The following AREL1 variants were observed in gnomAD, a reference collection of about 807,000 sequenced individuals.
The protein encoded by AREL1 is apoptosis-resistant E3 ubiquitin protein ligase 1.
AREL1 carries 62 observed loss-of-function variants against 99.0 expected under a neutral mutation model. The ratio of observed to expected loss-of-function variants is 0.63; its 90% CI spans 0.51 to 0.77. The LOEUF is 0.77. Among genes scored for constraint, AREL1 ranks in the 30% least tolerant of loss-of-function variants. AREL1 has a pLI of 0.00. For missense variants in AREL1, 879 were observed against 1,027.6 expected (o/e 0.86, Z 1.98); for synonymous variants, 380 against 376.5 (o/e 1.01, Z -0.11).
intron 1 of AREL1, among the ~76,000 whole-genome samples, chr14:74,694,049 C>T (rs1397657011): frequency 1.3e-5 from 2 of 152,076 alleles, no homozygotes; most frequent in Non-Finnish European, 2.9e-5. Flanking sequence ...TGGCGGCAGG[C>T]GCCTGTGGTC....
At chr14:74,707,459 G>A (rs531918675) in intron 1 of AREL1, among the ~76,000 whole-genome samples, 46 of 151,472 alleles carry the variant, frequency 3.0e-4, no homozygotes, top group Non-Finnish European at 4.7e-4. Context: ...TCAGGAGATC[G>A]AGACCACCCT....
intron 1 of AREL1, among the ~76,000 whole-genome samples, chr14:74,708,886 G>A (rs541760573): frequency 6.6e-6 from 1 of 152,222 alleles, no homozygotes; most frequent in South Asian, 2.1e-4. Context: ...CTATCTTGTA[G>A]AACAGTCTTC....
intron 1 of AREL1, among the ~76,000 whole-genome samples, chr14:74,711,458 G>A (rs1594775684): frequency 6.6e-6 from 1 of 151,866 alleles, no homozygotes; most frequent in South Asian, 2.1e-4. Context: ...CAGGAGAATT[G>A]CTTGAACCTG....
At position 74,662,742 on chromosome 14, in the gene AREL1, A is replaced by C. The variant is rs751120056; in HGVS notation, c.*978T>G. On this transcript the variant is annotated 3_prime_UTR_variant, in exon 20 of 20. Coordinates refer to ENST00000356357, the MANE Select transcript of AREL1 (RefSeq NM_001039479.2). ...TGTCTTAGTGCTGCCAGAGAACACC[A>C]AGCAGAGAGAGAATCAGGGATTGCT... is the stretch of plus-strand genomic sequence containing the variant. 60 of 397,192 alleles carry C rather than the reference A, an allele frequency of 1.5e-4. No homozygotes were observed. The highest frequency in any genetic ancestry group is 2.4e-4 in the Non-Finnish European group (55 of 225,430). The allele number at this position is 397,192 out of a possible 1,614,324, so 24.6% of individuals were successfully genotyped here.
Position 74,666,730 on chromosome 14 carries a change from T to G in AREL1, c.2103+589A>C, listed in dbSNP as rs2089218329. On this transcript the variant is annotated intron_variant, in intron 17 of 19. Transcript: ENST00000356357. ...TTACTACTCATTGATTTTTTTTTTT[T>G]TTTTTTTGAGACAGAGTCTTACTCT... Among the ~76,000 whole-genome samples, 3 of 151,526 alleles carry G rather than the reference T, an allele frequency of 2.0e-5. 1 individual carries two copies. Among genetic ancestry groups the G allele is most frequent in the Admixed American group, 2.0e-4 (3 of 15,252 alleles).
chr14:74,684,532 C>T lies in AREL1; in HGVS notation c.165G>A (p.Leu55=). 1 of 1,614,122 alleles carries T rather than the reference C, an allele frequency of 6.2e-7. No homozygotes were observed. Among genetic ancestry groups the T allele is most frequent in the Non-Finnish European group, 8.5e-7 (1 of 1,180,014 alleles). The change falls in exon 4 of 20, where the codon CTG becomes CTA. Residue 55 remains leucine (L), a synonymous_variant. Coordinates refer to ENST00000356357, the MANE Select transcript of AREL1 (RefSeq NM_001039479.2). The part of the protein sequence containing the change: ...TIYDYVRGNY[L]DPRSCKVSWD... ...AGGAGACTTTGCAAGACCGGGGATC[C>T]AGGTAATTTCCCCGCACGTAGTCAT... is the stretch of plus-strand genomic sequence containing the variant.
At chr14:74,710,947 T>G (rs983140256) in intron 1 of AREL1, among the ~76,000 whole-genome samples, 29 of 152,206 alleles carry the variant, frequency 1.9e-4, no homozygotes, top group African/African-American at 6.3e-4. Context: ...AAAATTGGGC[T>G]GGTGCCAGGC....
intron 2 of AREL1, among the ~76,000 whole-genome samples, chr14:74,691,785 G>A (rs1000895784): frequency 9.2e-5 from 14 of 152,018 alleles, no homozygotes; most frequent in East Asian, 7.7e-4. Context: ...CTGCTTTTTC[G>A]GAGTATAAAG....
intron 2 of AREL1, among the ~76,000 whole-genome samples, chr14:74,687,000 A>G (rs1329864619): frequency 6.6e-6 from 1 of 152,158 alleles, no homozygotes; most frequent in Non-Finnish European, 1.5e-5. Flanking sequence ...AACAGCTATC[A>G]TCTCAAAAAT....
At chr14:74,691,641 C>T (rs1323674585) in intron 2 of AREL1, among the ~76,000 whole-genome samples, 3 of 152,108 alleles carry the variant, frequency 2.0e-5, no homozygotes, top group Non-Finnish European at 2.9e-5. Context: ...CACTTGCTTA[C>T]GAAGGATCCT....
intron 6 of AREL1, 85 bp downstream of exon 6, chr14:74,676,498 G>T (rs767130283): frequency 3.4e-6 from 5 of 1,483,414 alleles, no homozygotes; most frequent in Non-Finnish European, 4.6e-6. Flanking sequence ...GAAGGAAAGA[G>T]AGATCGAAGT....
chr14:74,677,085 C>T (rs966955646), intron 5 of AREL1, among the ~76,000 whole-genome samples: 13 of 152,008 alleles, frequency 8.6e-5, no homozygotes, highest in Admixed American at 1.3e-4. Flanking sequence ...AGGCGTGAGC[C>T]ACCACGCCCG....
rs901931562 is a variant in AREL1 at position 74,663,625 on chromosome 14, T to C, written c.*95A>G. 2 of 1,245,512 alleles carry C rather than the reference T, an allele frequency of 1.6e-6. No individual in the cohort carries two copies. Among genetic ancestry groups the C allele is most frequent in the Admixed American group, 1.7e-5 (1 of 59,306 alleles). The allele number at this position is 1,245,512 out of a possible 1,614,324, so 77.2% of individuals were successfully genotyped here. A position where few individuals can be genotyped will look rare whatever the true frequency, so the allele number is the denominator to read the frequency against. ...GGAGCATGCGGCATCTTCTGGCTGA[T>C]GGTTATGTGTGTTAGGATCAGTGGT... is the stretch of plus-strand genomic sequence containing the variant. On this transcript the variant is annotated 3_prime_UTR_variant, in exon 20 of 20. Coordinates refer to ENST00000356357, the MANE Select transcript of AREL1 (RefSeq NM_001039479.2).
At chr14:74,679,322 T>G (rs969057116) in intron 5 of AREL1, among the ~76,000 whole-genome samples, 2 of 151,974 alleles carry the variant, frequency 1.3e-5, no homozygotes, top group African/African-American at 4.8e-5. Context: ...CTTGGGAGGC[T>G]GAGATGGGAG....
At chr14:74,666,377 C>T (rs576713604) in intron 17 of AREL1, among the ~76,000 whole-genome samples, 2 of 152,306 alleles carry the variant, frequency 1.3e-5, no homozygotes, top group African/African-American at 4.8e-5. Context: ...ACACCTGATA[C>T]GGACTTCAGT....
intron 13 of AREL1, among the ~76,000 whole-genome samples, chr14:74,670,477 T>C (rs2089309958): frequency 6.6e-6 from 1 of 152,292 alleles, no homozygotes; most frequent in Non-Finnish European, 1.5e-5. Context: ...GCTTCAGGTA[T>C]GTTTTGAGAA....
At position 74,713,012 on chromosome 14, in the gene AREL1, C is replaced by A; in HGVS notation, c.-413G>T. On this transcript the variant is annotated 5_prime_UTR_variant, in exon 1 of 20. Coordinates refer to ENST00000356357, the MANE Select transcript of AREL1 (RefSeq NM_001039479.2). The stretch of plus-strand genomic sequence containing the variant: ...GCGGCAGCACTCAGCAGAAGACGGG[C>A]TCCCCACTCTCCCACCAACAGACCC... 1.1e-6 allele frequency: 1 copy of A among 944,612 alleles called. No individual in the cohort carries two copies. Among genetic ancestry groups the A allele is most frequent in the Non-Finnish European group, 1.7e-6 (1 of 588,922 alleles). 58.5% of individuals were successfully genotyped at this position (944,612 alleles called of 1,614,324 possible). A position where few individuals can be genotyped will look rare whatever the true frequency, so the allele number is the denominator to read the frequency against.
chr14:74,684,629 A>C lies in AREL1; in HGVS notation c.68T>G (p.Phe23Cys). 6.2e-7 allele frequency: 1 copy of C among 1,614,194 alleles called. No homozygotes were observed. Among genetic ancestry groups the C allele is most frequent in the African/African-American group, 1.3e-5 (1 of 75,044 alleles). Residue 23 changes from phenylalanine to cysteine, a missense_variant, in exon 4 of 20, where the codon TTT becomes TGT. By Grantham distance (205) the Phe-to-Cys change is radical (BLOSUM62 -2). Transcript: ENST00000356357. ...GCTGACTACACGTGCGGCAAGCTCA[A>C]AGAGGAACTTAATTGTGAAGAAGAA... is the stretch of plus-strand genomic sequence containing the variant. ...VAFFFTIKFL[F>C]ELAARVVSFL...
chr14:74,672,720 G>T, intron 11 of AREL1, 111 bp downstream of exon 11: 1 of 1,464,460 alleles, frequency 6.8e-7, no homozygotes. Context: ...GGGCAATAGA[G>T]TGAGACCCTA....
Sources: gnomAD v4.1 joint callset for allele counts (sites outside exome capture counted in the v4.1 genomes callset) on GRCh38, gnomAD v4.1.1 for gene constraint, MANE v1.5 for transcripts, NCBI Gene and HGNC (gene_info 2026-07-23, HGNC 2026-07-21) for gene names.